NOL4L: variants seen among roughly 807,000 people sequenced by gnomAD.
NOL4L encodes the protein nucleolar protein 4-like.
A neutral mutation model predicts 64.5 loss-of-function variants in NOL4L; 7 were observed. That is an observed-to-expected ratio of 0.11 (90% confidence interval 0.06 to 0.20). NOL4L has a LOEUF of 0.20. NOL4L is among the 10% of genes least tolerant of loss of function. The pLI is 1.00. For synonymous variants in NOL4L, 413 were observed against 401.0 expected, an observed-to-expected ratio of 1.03 and a Z score of -0.36; for missense variants, 680 against 967.1, an observed-to-expected ratio of 0.70 and a Z score of 3.94.
chr20:32,497,351 G>T (rs565182494), intron 4 of NOL4L, among the ~76,000 whole-genome samples: 2 of 151,946 alleles, frequency 1.3e-5, no homozygotes, highest in African/African-American at 2.4e-5. Flanking sequence ...AGTCAGGGTG[G>T]GTCAAGAACC....
At chr20:32,452,461 T>C in intron 9 of NOL4L, 24 bp from the exon 10 acceptor site, 1 of 1,536,672 alleles carries the variant, frequency 6.5e-7, no homozygotes, top group East Asian at 2.3e-5. Context: ...AGGGGGGCGC[T>C]GGGGAAACCA....
chr20:32,538,496 TCC>T (rs2018595095), intron 1 of NOL4L, among the ~76,000 whole-genome samples: 1 of 41,006 alleles, frequency 2.4e-5, no homozygotes, highest in African/African-American at 1.1e-4. Context: ...CCTCCCTCCC[TCC>T]CTCCTCCTTC....
chr20:32,516,229 G>A (rs867880795), intron 3 of NOL4L, among the ~76,000 whole-genome samples: 2 of 152,074 alleles, frequency 1.3e-5, no homozygotes, highest in East Asian at 3.9e-4. Context: ...GCCAGCCTCA[G>A]GGGGTTCAAA....
At chr20:32,452,731 C>T (rs2013055595) in intron 9 of NOL4L, among the ~76,000 whole-genome samples, 153 bp downstream of exon 9, 1 of 152,160 alleles carries the variant, frequency 6.6e-6, no homozygotes, top group African/African-American at 2.4e-5. Flanking sequence ...ACCTGACCTC[C>T]ACCCACCTCC....
At position 32,488,827 on chromosome 20, in the gene NOL4L, T is replaced by TTCTCTTTCTTTCTTTC. The variant is rs11483298; in HGVS notation, c.700-14086_700-14085insGAAAGAAAGAAAGAGA. 7.8e-4 allele frequency among the ~76,000 whole-genome samples: 26 copies of TTCTCTTTCTTTCTTTC among 33,152 alleles called. 1 individual carries two copies. The highest frequency in any genetic ancestry group is 1.6e-3 in the South Asian group (2 of 1,232). 21.7% of individuals were successfully genotyped at this position (33,152 alleles called of 152,430 possible). On this transcript the variant is annotated intron_variant, in intron 4 of 10. Transcript: ENST00000621426. Reference sequence around the variant, plus strand: ...TCTTTTTCTTTCTTTCTTTCTTTCTTTTTCTTTCTTTCTTTCTTTCTTTCT... The same window carrying TTCTCTTTCTTTCTTTC: ...TCTTTTTCTTTCTTTCTTTCTTTCTTTCTCTTTCTTTCTTTCTTTCTTTCTTTCTTTCTTTCTTTCT...
intron 1 of NOL4L, among the ~76,000 whole-genome samples, chr20:32,576,021 G>C (rs575006434): frequency 1.4e-3 from 206 of 152,346 alleles, no homozygotes; most frequent in Non-Finnish European, 2.7e-3. Flanking sequence ...GGCCAGTGTG[G>C]CTGAGGCCAA....
At chr20:32,537,753 C>T (rs2018573325) in intron 1 of NOL4L, among the ~76,000 whole-genome samples, 1 of 151,532 alleles carries the variant, frequency 6.6e-6, no homozygotes, top group Non-Finnish European at 1.5e-5. Context: ...GTTTCTAGGC[C>T]TAAAGCCACT....
At chr20:32,528,221 G>T (rs1403573657) in intron 1 of NOL4L, among the ~76,000 whole-genome samples, 1 of 152,232 alleles carries the variant, frequency 6.6e-6, no homozygotes, top group Admixed American at 6.5e-5. Flanking sequence ...GGGAGCTCTT[G>T]AATCACACGC....
At chr20:32,509,863 G>T (rs1307768039) in intron 4 of NOL4L, 14 of 1,304,294 alleles carry the variant, frequency 1.1e-5, no homozygotes, top group Non-Finnish European at 1.4e-5. Flanking sequence ...GCGGTTTTGT[G>T]CTTCATTCTT....
intron 5 of NOL4L, among the ~76,000 whole-genome samples, chr20:32,469,003 C>T (rs558827386): frequency 2.0e-5 from 3 of 152,240 alleles, no homozygotes; most frequent in African/African-American, 7.2e-5. Flanking sequence ...GAGACCCAGT[C>T]CCTGTGGTCT....
intron 4 of NOL4L, among the ~76,000 whole-genome samples, chr20:32,485,076 A>AAAAAAAAAAAAAAAAAAAAC (rs1568643120): frequency 6.7e-6 from 1 of 148,188 alleles, no homozygotes; most frequent in Non-Finnish European, 1.5e-5. Context: ...AAAAAAAAAA[A>AAAAAAAAAAAAAAAAAAAAC]AAAAAAAAAA....
intron 1 of NOL4L, among the ~76,000 whole-genome samples, chr20:32,543,106 C>T (rs1000525767): frequency 4.6e-5 from 7 of 152,142 alleles, no homozygotes; most frequent in African/African-American, 1.4e-4. Flanking sequence ...GGGAAGCCAC[C>T]ACGGAGCTCA....
chr20:32,483,443 AGCTGCTGCT>A (rs911879376), intron 4 of NOL4L: 3 of 990,508 alleles, frequency 3.0e-6, no homozygotes, highest in South Asian at 4.5e-5. Context: ...CCACAGCTCC[AGCTGCTGCT>A]GCTGCTGCTG....
At chr20:32,545,869 A>G (rs919448276) in intron 1 of NOL4L, among the ~76,000 whole-genome samples, 16 of 151,828 alleles carry the variant, frequency 1.1e-4, no homozygotes, top group African/African-American at 3.9e-4. Flanking sequence ...GATTGCCATT[A>G]TTCTTGTGTC....
intron 1 of NOL4L, among the ~76,000 whole-genome samples, chr20:32,573,324 A>G (rs564387240): frequency 6.6e-6 from 1 of 152,240 alleles, no homozygotes; most frequent in South Asian, 2.1e-4. Context: ...GCCTGGGTCC[A>G]TTTTACAGAT....
intron 4 of NOL4L, among the ~76,000 whole-genome samples, chr20:32,504,932 A>G (rs1220613853): frequency 1.3e-5 from 2 of 152,218 alleles, no homozygotes; most frequent in Non-Finnish European, 2.9e-5. Context: ...CAAAGGTCAC[A>G]CACATTGAGC....
At chr20:32,465,186 AGGCGGCG>A (rs1385933460) in intron 5 of NOL4L, 9 of 461,776 alleles carry the variant, frequency 1.9e-5, no homozygotes, top group Admixed American at 4.2e-5. Context: ...CCCGAGTGTC[AGGCGGCG>A]GGTAACTCAT....
In NOL4L at chr20:32,460,743, A is replaced by G. The variant is rs187588048; in HGVS notation, c.842-4348T>C. 5.0e-3 allele frequency among the ~76,000 whole-genome samples: 758 copies of G among 152,246 alleles called. 4 individuals are homozygous for G. The highest frequency in any genetic ancestry group is 0.018 in the African/African-American group (730 of 41,550). On this transcript the variant is annotated intron_variant, in intron 5 of 10. Coordinates refer to ENST00000621426, the MANE Select transcript of NOL4L (RefSeq NM_001256798.2). The surrounding 1 kb of genome is among the most constrained non-coding windows in gnomAD (Gnocchi z 5.7). The stretch of plus-strand genomic sequence containing the variant: ...GGGATCCCGGAGCCCAGCCTGTGAC[A>G]GTCTGAGGTGGGCCCAGTGAGAGGG...
intron 1 of NOL4L, chr20:32,532,457 G>A: frequency 2.7e-6 from 2 of 739,034 alleles, no homozygotes; most frequent in Non-Finnish European, 3.3e-6. Flanking sequence ...GTAGTCACGT[G>A]CCGCAGACAT....
Sources: allele counts gnomAD v4.1 joint callset (sites outside exome capture counted in the v4.1 genomes callset), GRCh38; gene constraint gnomAD v4.1.1; non-coding constraint Gnocchi (gnomAD v3.1); transcripts MANE v1.5; gene names NCBI Gene and HGNC (gene_info 2026-07-23, HGNC 2026-07-21).